Variants in EYS observed in about 807,000 individuals in gnomAD.
The protein encoded by EYS is EGF-like photoreceptor maintenance factor.
A neutral mutation model predicts 282.1 loss-of-function variants in EYS; 250 were observed. The ratio of observed to expected loss-of-function variants is 0.89; its 90% CI spans 0.80 to 0.98. The LOEUF is 0.98. EYS is among the 50% of genes least tolerant of loss of function. The probability of loss-of-function intolerance (pLI) is 0.00; values close to 1 mark genes in which losing one functional copy is unlikely to be tolerated. For synonymous variants in EYS, 1,355 were observed against 1,282.9 expected, an observed-to-expected ratio of 1.06 and a Z score of -1.20; for missense variants, 4,016 against 3,709.0, an observed-to-expected ratio of 1.08 and a Z score of -2.15.
At chr6:65,574,574 A>T (rs541216233) in intron 2 of EYS, among the ~76,000 whole-genome samples, 1 of 152,220 alleles carries the variant, frequency 6.6e-6, no homozygotes, top group East Asian at 1.9e-4. Flanking sequence ...ATTAATCAAG[A>T]TGTAATGATT....
chr6:63,755,357 G>A (rs866405830), intron 41 of EYS, among the ~76,000 whole-genome samples: 1 of 152,188 alleles, frequency 6.6e-6, no homozygotes, highest in Non-Finnish European at 1.5e-5. Context: ...TGGCTAGCCA[G>A]TTTTCCCAGA....
chr6:64,966,898 A>G (rs963272471), intron 14 of EYS, among the ~76,000 whole-genome samples: 2 of 152,194 alleles, frequency 1.3e-5, no homozygotes, highest in Admixed American at 6.5e-5. Context: ...TCATCTCTTT[A>G]GTGGCCATCA....
rs564355555 is a variant in EYS, at chr6:65,136,865, A to G, written c.2024-79138T>C. Among the ~76,000 whole-genome samples the G allele has an allele frequency of 6.6e-5, 10 of 152,034 alleles. No individual in the cohort carries two copies. The East Asian group carries it at 1.9e-3, about 30-fold the overall frequency. On this transcript the variant is annotated intron_variant, in intron 12 of 42. Transcript: ENST00000503581. Reference sequence around the variant, plus strand: ...CCTGGCTAATTTTTGTATTTTTTGTAGAGATGAGGTTTTGTCATGTTGGCC... The same window carrying G: ...CCTGGCTAATTTTTGTATTTTTTGTGGAGATGAGGTTTTGTCATGTTGGCC...
chr6:64,315,080 T>G (rs1769892987), intron 29 of EYS, among the ~76,000 whole-genome samples: 1 of 151,732 alleles, frequency 6.6e-6, no homozygotes, highest in South Asian at 2.1e-4. Context: ...CAATAAAAAA[T>G]GATAAAGGGG....
At chr6:64,355,235 G>T (rs1771785564) in intron 29 of EYS, among the ~76,000 whole-genome samples, 1 of 151,554 alleles carries the variant, frequency 6.6e-6, no homozygotes, top group Non-Finnish European at 1.5e-5. Flanking sequence ...AGAATTTTGT[G>T]TGCAAATTAA....
chr6:64,696,083 T>C (rs1770570181), intron 22 of EYS, among the ~76,000 whole-genome samples: 2 of 152,012 alleles, frequency 1.3e-5, no homozygotes, highest in Non-Finnish European at 2.9e-5. Flanking sequence ...AGATACAAGA[T>C]AAATCTGAAA....
chr6:65,236,859 T>C (rs912562269), intron 12 of EYS, among the ~76,000 whole-genome samples: 2 of 152,142 alleles, frequency 1.3e-5, no homozygotes, highest in South Asian at 4.1e-4. Context: ...AAGCTAAGCA[T>C]TTGTAGATTA....
chr6:64,564,547 C>T (rs930623360), intron 26 of EYS, among the ~76,000 whole-genome samples: 2 of 152,048 alleles, frequency 1.3e-5, no homozygotes, highest in Non-Finnish European at 2.9e-5. Flanking sequence ...TCCCAAAGTG[C>T]TGGGATTACA....
At chr6:63,857,890 G>T (rs934017931) in intron 36 of EYS, 1 of 189,036 alleles carries the variant, frequency 5.3e-6, no homozygotes. Context: ...TTGGGGTGGG[G>T]ACTCTTAGTT....
Position 65,490,626 on chromosome 6 carries a change from C to T in EYS, c.830G>A (p.Ser277Asn). Residue 277 changes from serine to asparagine, a missense_variant, in exon 5 of 43, where the codon AGT (serine) becomes AAT (asparagine). Transcript: ENST00000503581. ...HGNCSNITSN[S>N]FICECDEQFS... The stretch of plus-strand genomic sequence containing the variant: ...TTGCTCATCACATTCACAAATGAAA[C>T]TATTTGAAGTAATATTGCTGCAGTT... 1 of 1,611,444 alleles carries T rather than the reference C, an allele frequency of 6.2e-7. No homozygotes were observed. The highest frequency in any genetic ancestry group is 2.2e-5 in the East Asian group (1 of 44,670).
chr6:65,428,015 C>G (rs13216421), intron 5 of EYS, among the ~76,000 whole-genome samples: 1 of 151,542 alleles, frequency 6.6e-6, no homozygotes, highest in Non-Finnish European at 1.5e-5. Context: ...AATATTAACA[C>G]GTTATACATA....
At position 63,721,361 on chromosome 6, in the gene EYS, A is replaced by G. The variant is rs1371323147; in HGVS notation, c.8670T>C (p.Cys2890=). The G allele has an allele frequency of 1.3e-6, 2 of 1,551,790 alleles. No individual in the cohort carries two copies. The highest frequency in any genetic ancestry group is 2.7e-5 in the African/African-American group (2 of 73,042). Residue 2890 remains cysteine, a synonymous_variant, in exon 43 of 43, where the codon TGT becomes TGC. Coordinates refer to ENST00000503581, the MANE Select transcript of EYS (RefSeq NM_001142800.2). ...AAGAAAAAGTTGTGCCATTTACTGT[A>G]CATTCACCTCCATTTCTGCATGTGT... ...GYNTCRNGGE[C]TVNGTTFSCR... is the part of the protein sequence containing the mutation.
intron 30 of EYS, among the ~76,000 whole-genome samples, chr6:64,265,087 T>C (rs1161857197): frequency 4.3e-5 from 4 of 93,314 alleles, no homozygotes; most frequent in Non-Finnish European, 1.1e-4. Flanking sequence ...ATTCTGAGAG[T>C]TATGTTTACC....
At chr6:63,926,256 AT>A (rs1405799993) in intron 35 of EYS, among the ~76,000 whole-genome samples, 6 of 152,244 alleles carry the variant, frequency 3.9e-5, no homozygotes, top group African/African-American at 1.2e-4. Context: ...CCAGAAAAAC[AT>A]TACAGAATGA....
intron 5 of EYS, among the ~76,000 whole-genome samples, chr6:65,453,571 A>G (rs1764489285): frequency 6.6e-6 from 1 of 151,970 alleles, no homozygotes; most frequent in Middle Eastern, 3.2e-3. Flanking sequence ...GTAATATACA[A>G]TATTAAACTG....
At chr6:65,238,847 C>A (rs1055351446) in intron 12 of EYS, among the ~76,000 whole-genome samples, 1 of 138,622 alleles carries the variant, frequency 7.2e-6, no homozygotes, top group African/African-American at 3.0e-5. Flanking sequence ...ATAAAACACC[C>A]AAATTTTGGT....
chr6:65,522,211 T>C (rs1767399949), intron 2 of EYS, among the ~76,000 whole-genome samples: 1 of 152,192 alleles, frequency 6.6e-6, no homozygotes, highest in South Asian at 2.1e-4. Flanking sequence ...ATTTTTCTGG[T>C]AAATTGAAAA....
chr6:64,186,081 T>A (rs1047173974), intron 31 of EYS, among the ~76,000 whole-genome samples: 3 of 151,970 alleles, frequency 2.0e-5, no homozygotes, highest in Non-Finnish European at 4.4e-5. Context: ...AGATGTTGGG[T>A]TATTACGAAG....
chr6:64,941,721 T>C (rs1018741642), intron 15 of EYS, among the ~76,000 whole-genome samples: 2 of 152,142 alleles, frequency 1.3e-5, no homozygotes, highest in Non-Finnish European at 2.9e-5. Context: ...TTTGGTTTTA[T>C]GTTTCTGTAT....
Sources: gnomAD v4.1 joint callset for allele counts (sites outside exome capture counted in the v4.1 genomes callset) on GRCh38, gnomAD v4.1.1 for gene constraint, MANE v1.5 for transcripts, NCBI Gene and HGNC (gene_info 2026-07-23, HGNC 2026-07-21) for gene names.